The following PAH variants were observed in gnomAD, a reference collection of about 807,000 sequenced individuals.
PAH encodes the protein phenylalanine-4-hydroxylase.
Under a neutral mutation model 62.0 loss-of-function variants are expected in PAH, and 64 were observed. The ratio of observed to expected loss-of-function variants is 1.03; its 90% CI spans 0.84 to 1.27. The LOEUF is 1.27. PAH is among the 50% of genes most tolerant of loss of function. The probability of loss-of-function intolerance (pLI) is 0.00; values close to 1 mark genes in which losing one functional copy is unlikely to be tolerated. For synonymous variants in PAH, 195 were observed against 196.2 expected, an observed-to-expected ratio of 0.99 and a Z score of 0.05; for missense variants, 579 against 542.8, an observed-to-expected ratio of 1.07 and a Z score of -0.66.
intron 5 of PAH, among the ~76,000 whole-genome samples, chr12:102,858,834 G>T (rs1254813069): frequency 6.6e-6 from 1 of 152,128 alleles, no homozygotes; most frequent in Non-Finnish European, 1.5e-5. Flanking sequence ...GTGTGTAGAG[G>T]GAAATTTATA....
In PAH at chr12:102,840,404, A is replaced by G; in HGVS notation, c.1311T>C (p.Ile437=). The part of the protein sequence containing the change: ...TQQLKILADS[I]NSEIGILCSA... ...CGTAAGGTGTAAATTACTTACTGTTAATGGAATCAGCCAAAATCTTAAGCT... is the reference window on the plus strand; with the variant it reads ...CGTAAGGTGTAAATTACTTACTGTTGATGGAATCAGCCAAAATCTTAAGCT... The change falls in exon 12 of 13, where the codon ATT becomes ATC. Residue 437 remains isoleucine (I), a synonymous_variant. Transcript: ENST00000553106. 1 of 1,605,350 alleles carries G rather than the reference A, an allele frequency of 6.2e-7. No individual in the cohort carries two copies. The highest frequency in any genetic ancestry group is 1.1e-5 in the South Asian group (1 of 90,900).
chr12:102,905,147 C>T (rs71466242), intron 2 of PAH, among the ~76,000 whole-genome samples: 18,330 of 152,228 alleles, frequency 0.12, 1,427 homozygotes, highest in Admixed American at 0.22. Context: ...ACCAGTAAGT[C>T]AATCACTGGT....
chr12:102,920,717 G>A (rs73391595), upstream of PAH, among the ~76,000 whole-genome samples: 4,817 of 152,140 alleles, frequency 0.032, 265 homozygotes, highest in African/African-American at 0.11. Flanking sequence ...ATGTTTGTGC[G>A]TATATGTATT....
intron 1 of PAH, chr12:102,950,144 C>G (rs1301328013): frequency 6.6e-6 from 1 of 152,202 alleles, no homozygotes; most frequent in Admixed American, 6.5e-5. Flanking sequence ...TTAATCTTGT[C>G]TTTGTTGCTG....
intron 1 of PAH, among the ~76,000 whole-genome samples, chr12:102,947,344 G>A (rs909167576): frequency 6.6e-6 from 1 of 152,206 alleles, no homozygotes; most frequent in East Asian, 1.9e-4. Flanking sequence ...CAAAAGGAGG[G>A]AACGAGTTGA....
chr12:102,863,565 T>A (rs1355123867), intron 5 of PAH, among the ~76,000 whole-genome samples: 1 of 152,166 alleles, frequency 6.6e-6, no homozygotes, highest in Non-Finnish European at 1.5e-5. Context: ...GTGGACTCAA[T>A]GCCAGAACTG....
intron 3 of PAH, among the ~76,000 whole-genome samples, chr12:102,893,431 TAAA>T (rs1438913400): frequency 6.7e-6 from 1 of 149,766 alleles, no homozygotes; most frequent in Non-Finnish European, 1.5e-5. Context: ...AAAAATAAAA[TAAA>T]AAGTCTATTA....
rs1875672826 is a variant in PAH at position 102,860,603 on chromosome 12, C to T, written c.510-5271G>A. The stretch of plus-strand genomic sequence containing the variant: ...AAACTATACTACAAGGCTACAGTAA[C>T]CAAAACAGCATGGTACTGGTATCAA... On this transcript the variant is annotated intron_variant, in intron 5 of 12. Transcript: ENST00000553106. Among the ~76,000 whole-genome samples the T allele has an allele frequency of 3.3e-5, 5 of 152,252 alleles. No individual in the cohort carries two copies. The South Asian group carries it at 6.2e-4, about 19-fold the overall frequency.
At chr12:102,841,352 C>T (rs1323751536) in intron 11 of PAH, among the ~76,000 whole-genome samples, 3 of 152,160 alleles carry the variant, frequency 2.0e-5, no homozygotes, top group African/African-American at 4.8e-5. Context: ...AACCTATAAG[C>T]TGCTGTACTG....
At chr12:102,890,600 A>C (rs547941704) in intron 3 of PAH, among the ~76,000 whole-genome samples, 3 of 152,308 alleles carry the variant, frequency 2.0e-5, no homozygotes, top group African/African-American at 7.2e-5. Context: ...GTCACAAAAC[A>C]CATGTTATTT....
intron 1 of PAH, among the ~76,000 whole-genome samples, chr12:102,947,766 C>G (rs901132122): frequency 6.6e-6 from 1 of 152,040 alleles, no homozygotes; most frequent in African/African-American, 2.4e-5. Context: ...GAAAAAAGAA[C>G]CAGTAAGAAA....
chr12:102,846,721 T>A (rs908118286), intron 9 of PAH, among the ~76,000 whole-genome samples, 174 bp downstream of exon 9: 7 of 152,214 alleles, frequency 4.6e-5, no homozygotes, highest in African/African-American at 1.7e-4. Flanking sequence ...CAAAATCAAA[T>A]TATTAAGGAG....
chr12:102,862,727 G>C (rs934306847), intron 5 of PAH, among the ~76,000 whole-genome samples: 10 of 152,142 alleles, frequency 6.6e-5, no homozygotes, highest in African/African-American at 2.4e-4. Flanking sequence ...CTGGGACAAA[G>C]TGAGACTGTT....
intron 3 of PAH, among the ~76,000 whole-genome samples, chr12:102,879,424 T>C (rs1005520395): frequency 1.4e-4 from 21 of 151,616 alleles, no homozygotes; most frequent in African/African-American, 5.1e-4. Flanking sequence ...CCCTCCGTGA[T>C]CTAAACAGGA....
chr12:102,921,164 G>A (rs1024901251), upstream of PAH, among the ~76,000 whole-genome samples: 1 of 152,016 alleles, frequency 6.6e-6, no homozygotes, highest in African/African-American at 2.4e-5. Flanking sequence ...CCTATTGGTG[G>A]GTATACCTAA....
rs1223465666 is a variant in PAH, at chr12:102,868,118, ATATATGTG to A, written c.442-1463_442-1456del. Among the ~76,000 whole-genome samples, 6 of 8,604 alleles carry A rather than the reference ATATATGTG, an allele frequency of 7.0e-4. 1 individual carries two copies. The highest frequency in any genetic ancestry group is 6.7e-3 in the African/African-American group (5 of 750). 5.6% of individuals were successfully genotyped at this position (8,604 alleles called of 152,430 possible). On this transcript the variant is annotated intron_variant, in intron 4 of 12. Coordinates refer to ENST00000553106, the MANE Select transcript of PAH (RefSeq NM_000277.3). ...TATATATATATACACATATATATAC[ATATATGTG>A]TATATATATATATATATATATATAT...
chr12:102,887,680 T>TCC (rs1226931717), intron 3 of PAH, among the ~76,000 whole-genome samples: 4 of 152,094 alleles, frequency 2.6e-5, no homozygotes, highest in Non-Finnish European at 5.9e-5. Flanking sequence ...CATAATCCCC[T>TCC]CCATGAGCCA....
intron 1 of PAH, chr12:102,950,367 G>T (rs1008285667): frequency 7.2e-5 from 11 of 152,378 alleles, no homozygotes; most frequent in African/African-American, 2.7e-4. Flanking sequence ...CGCTCAGGCT[G>T]CGGCTGCTTC....
rs575381888 is a variant in PAH, at chr12:102,858,759, C to G, written c.510-3427G>C. ...AACGAAATGAAGGCAGAGATAAAGA[C>G]GTTCTTTGAAACCAATGAGAACAAA... On this transcript the variant is annotated intron_variant, in intron 5 of 12. Coordinates refer to ENST00000553106, the MANE Select transcript of PAH (RefSeq NM_000277.3). 6.0e-4 allele frequency among the ~76,000 whole-genome samples: 92 copies of G among 152,220 alleles called. 2 individuals are homozygous for G. The highest frequency in any genetic ancestry group is 7.9e-4 in the Admixed American group (12 of 15,284).
Sources: gnomAD v4.1 joint callset for allele counts (sites outside exome capture counted in the v4.1 genomes callset) on GRCh38, gnomAD v4.1.1 for gene constraint, MANE v1.5 for transcripts, NCBI Gene and HGNC (gene_info 2026-07-23, HGNC 2026-07-21) for gene names.